Variants in CPNE5 observed in about 807,000 individuals in gnomAD.
The protein encoded by CPNE5 is copine-5.
CPNE5 carries 42 observed loss-of-function variants against 81.1 expected under a neutral mutation model. The ratio of observed to expected loss-of-function variants is 0.52; its 90% CI spans 0.40 to 0.67. The LOEUF is 0.67. Ranked by LOEUF, CPNE5 falls within the 30% of genes least tolerant of loss-of-function variation. The pLI, the probability that CPNE5 is intolerant of heterozygous loss-of-function variation, is 0.00. For synonymous variants in CPNE5, 313 were observed against 321.5 expected, an observed-to-expected ratio of 0.97 and a Z score of 0.28; for missense variants, 612 against 815.5, an observed-to-expected ratio of 0.75 and a Z score of 3.04.
chr6:36,760,082 G>A (rs1161513872), intron 12 of CPNE5, among the ~76,000 whole-genome samples: 1 of 151,846 alleles, frequency 6.6e-6, no homozygotes, highest in African/African-American at 2.4e-5. Context: ...CAGGGTGGTG[G>A]TGTGTGCCTG....
At chr6:36,748,129 T>G in intron 15 of CPNE5, 92 bp downstream of exon 15, 1 of 1,146,460 alleles carries the variant, frequency 8.7e-7, no homozygotes. Context: ...GGCCAGAGAG[T>G]ATGAGGGTCA....
At chr6:36,827,891 G>C in intron 1 of CPNE5, 1 of 309,102 alleles carries the variant, frequency 3.2e-6, no homozygotes, top group Non-Finnish European at 4.7e-6. Context: ...TTTTCTAAAA[G>C]AGCATACAAC....
chr6:36,791,538 C>T (rs774646616), intron 8 of CPNE5, among the ~76,000 whole-genome samples: 4 of 152,164 alleles, frequency 2.6e-5, no homozygotes, highest in Non-Finnish European at 5.9e-5. Context: ...CCAAGGGCTG[C>T]CTGGGACTGC....
rs1028657472 is a variant in CPNE5, at chr6:36,746,109, G to A, written c.1200+287C>T. ...CTTGTTCACTTTTCTGGGGCCCTGAGGGATGGGTCAGCCACAGCTCGCCTC... is the reference window on the plus strand; with the variant it reads ...CTTGTTCACTTTTCTGGGGCCCTGAAGGATGGGTCAGCCACAGCTCGCCTC... On this transcript the variant is annotated intron_variant, in intron 16 of 20. Transcript: ENST00000244751. The surrounding 1 kb of genome is among the most constrained non-coding windows in gnomAD (Gnocchi z 4.5). 3.2e-6 allele frequency: 3 copies of A among 940,334 alleles called. No homozygotes were observed. Among genetic ancestry groups the A allele is most frequent in the African/African-American group, 2.0e-5 (1 of 50,052 alleles). 58.2% of individuals were successfully genotyped at this position (940,334 alleles called of 1,614,324 possible). A position where few individuals can be genotyped will look rare whatever the true frequency, so the allele number is the denominator to read the frequency against.
intron 3 of CPNE5, among the ~76,000 whole-genome samples, chr6:36,809,212 G>A (rs1245333292): frequency 6.6e-6 from 1 of 150,758 alleles, no homozygotes; most frequent in East Asian, 1.9e-4. Context: ...AGAGAGAGAG[G>A]AGAGAGAGAG....
At chr6:36,786,267 A>G (rs1768539068) in intron 8 of CPNE5, among the ~76,000 whole-genome samples, 1 of 152,166 alleles carries the variant, frequency 6.6e-6, no homozygotes, top group African/African-American at 2.4e-5. Flanking sequence ...ACGGGATAGG[A>G]TGGCAGAAGC....
intron 8 of CPNE5, among the ~76,000 whole-genome samples, chr6:36,786,012 C>CAAAAAA (rs36060316): frequency 1.2e-5 from 1 of 83,850 alleles, no homozygotes; most frequent in Non-Finnish European, 2.3e-5. Flanking sequence ...GACTCCGTCT[C>CAAAAAA]AAAAAAAAAA....
At chr6:36,814,398 G>T (rs1402075609) in intron 3 of CPNE5, among the ~76,000 whole-genome samples, 6 of 152,124 alleles carry the variant, frequency 3.9e-5, no homozygotes, top group Non-Finnish European at 8.8e-5. Flanking sequence ...ACACATGATG[G>T]CAATAAATGT....
At chr6:36,748,293 G>T in intron 14 of CPNE5, 26 bp from the exon 15 acceptor site, 1 of 1,612,042 alleles carries the variant, frequency 6.2e-7, no homozygotes, top group Non-Finnish European at 8.5e-7. Flanking sequence ...CAGCAGGGGA[G>T]TCACCTGGAG....
At chr6:36,802,217 C>CAAAAAA (rs57677612) in intron 3 of CPNE5, among the ~76,000 whole-genome samples, 5 of 56,716 alleles carry the variant, frequency 8.8e-5, no homozygotes, top group Admixed American at 2.8e-4. Flanking sequence ...GACTCCATCT[C>CAAAAAA]AAAAAAAAAA....
rs1009910472 is a variant in CPNE5, at chr6:36,839,201, A to G, written c.95+82T>C. ...GACACTCTGGGAAGGGGGCGCGCGG[A>G]GGTTTAGGATCGAAGCGGCAGGGGC... On this transcript the variant is annotated intron_variant, in intron 1 of 20. Coordinates refer to ENST00000244751, the MANE Select transcript of CPNE5 (RefSeq NM_020939.2). This position sits in a 1 kb window ranked among gnomAD's most constrained non-coding sequence, Gnocchi z 7.3. The G allele has an allele frequency of 5.1e-6, 5 of 988,194 alleles. No individual in the cohort carries two copies. In the African/African-American group the frequency reaches 6.7e-5, roughly 13 times the overall value. The allele number at this position is 988,194 out of a possible 1,614,324, so 61.2% of individuals were successfully genotyped here.
chr6:36,815,566 A>G (rs1239129555), intron 3 of CPNE5, among the ~76,000 whole-genome samples: 5 of 152,086 alleles, frequency 3.3e-5, no homozygotes, highest in Non-Finnish European at 5.9e-5. Flanking sequence ...TTGATATTGG[A>G]CTTCCTGGCC....
intron 6 of CPNE5, among the ~76,000 whole-genome samples, chr6:36,797,545 CAA>C (rs1769703052): frequency 6.6e-6 from 1 of 152,228 alleles, no homozygotes; most frequent in African/African-American, 2.4e-5. Context: ...GAAATAGGGA[CAA>C]GAGAGGTCAC....
intron 8 of CPNE5, among the ~76,000 whole-genome samples, chr6:36,790,636 G>A (rs946687281): frequency 3.3e-5 from 5 of 151,852 alleles, no homozygotes; most frequent in East Asian, 1.9e-4. Context: ...TCGCTCTGTC[G>A]CCCAGGCTGG....
chr6:36,812,024 G>T (rs1394895622), intron 3 of CPNE5, among the ~76,000 whole-genome samples: 1 of 152,010 alleles, frequency 6.6e-6, no homozygotes, highest in Non-Finnish European at 1.5e-5. Flanking sequence ...GAATTGCTTG[G>T]ACCCAGGAGG....
intron 10 of CPNE5, among the ~76,000 whole-genome samples, chr6:36,770,091 G>A (rs141430605): frequency 3.9e-4 from 60 of 152,302 alleles, no homozygotes; most frequent in African/African-American, 1.3e-3. Flanking sequence ...AGTGCTTCCT[G>A]TCATCACCCC....
At chr6:36,791,416 C>T (rs376519752) in intron 8 of CPNE5, among the ~76,000 whole-genome samples, 7 of 152,288 alleles carry the variant, frequency 4.6e-5, no homozygotes, top group African/African-American at 1.4e-4. Context: ...CTGACCATCA[C>T]CATTATGATA....
chr6:36,784,149 C>G (rs1478856765), intron 8 of CPNE5, among the ~76,000 whole-genome samples: 1 of 152,248 alleles, frequency 6.6e-6, no homozygotes, highest in African/African-American at 2.4e-5. Flanking sequence ...ACCCTGATGG[C>G]AGATAAGTGA....
chr6:36,775,441 C>T (rs1316510522), intron 9 of CPNE5, among the ~76,000 whole-genome samples: 1 of 152,230 alleles, frequency 6.6e-6, no homozygotes, highest in Non-Finnish European at 1.5e-5. Context: ...ATCAAAGATT[C>T]TCCATCTGCA....
Sources: allele counts gnomAD v4.1 joint callset (sites outside exome capture counted in the v4.1 genomes callset), GRCh38; gene constraint gnomAD v4.1.1; non-coding constraint Gnocchi (gnomAD v3.1); transcripts MANE v1.5; gene names NCBI Gene and HGNC (gene_info 2026-07-23, HGNC 2026-07-21).